The following STARD13 variants were observed in gnomAD, a reference collection of about 807,000 sequenced individuals.
STARD13 encodes stAR-related lipid transfer protein 13.
A neutral mutation model predicts 106.4 loss-of-function variants in STARD13; 62 were observed. The observed-to-expected ratio is 0.58, with a 90% CI of 0.48 to 0.72. STARD13 has a LOEUF of 0.72. Ranked by LOEUF, STARD13 falls within the 30% of genes least tolerant of loss-of-function variation. STARD13 has a pLI of 0.00. For synonymous variants in STARD13, 565 were observed against 553.0 expected (o/e 1.02, Z -0.31); for missense variants, 1,387 against 1,424.0 (o/e 0.97, Z 0.42).
At chr13:33,137,982 G>A (rs913465272) in intron 4 of STARD13, among the ~76,000 whole-genome samples, 21 of 152,198 alleles carry the variant, frequency 1.4e-4, no homozygotes, top group African/African-American at 4.6e-4. Flanking sequence ...CTGAAATGCC[G>A]ACGGCATCCA....
At chr13:33,241,946 T>C (rs958422889) in intron 1 of STARD13, among the ~76,000 whole-genome samples, 1 of 152,200 alleles carries the variant, frequency 6.6e-6, no homozygotes, top group Non-Finnish European at 1.5e-5. Context: ...GATTGCAGCC[T>C]CTGTCCGGCC....
chr13:33,667,448 C>T, the STARD13 span, among the ~76,000 whole-genome samples: 2 of 152,184 alleles, frequency 1.3e-5, no homozygotes, highest in African/African-American at 4.8e-5. Context: ...ACTCATTTTA[C>T]TTTAAATTTA....
chr13:33,325,898 T>C, intron 1 of STARD13, among the ~76,000 whole-genome samples: 1 of 142,552 alleles, frequency 7.0e-6, no homozygotes, highest in East Asian at 2.1e-4. Flanking sequence ...GGCAGGAGAA[T>C]GGCGTGAACC....
the STARD13 span, among the ~76,000 whole-genome samples, chr13:33,629,248 C>A: frequency 2.0e-5 from 3 of 152,160 alleles, no homozygotes; most frequent in Non-Finnish European, 4.4e-5. Flanking sequence ...ATTGGTAAGA[C>A]AACAATAATG....
the STARD13 span, among the ~76,000 whole-genome samples, chr13:33,542,200 T>C: frequency 2.0e-5 from 3 of 152,100 alleles, no homozygotes; most frequent in African/African-American, 7.2e-5. Context: ...ACCCCTACCT[T>C]CTCAGAATAA....
At chr13:33,405,512 C>T in the STARD13 span, among the ~76,000 whole-genome samples, 2 of 152,210 alleles carry the variant, frequency 1.3e-5, no homozygotes, top group Non-Finnish European at 2.9e-5. Flanking sequence ...CTCTGAGAAT[C>T]GTTGAAGTCT....
chr13:33,451,527 G>C, the STARD13 span, among the ~76,000 whole-genome samples: 2 of 152,126 alleles, frequency 1.3e-5, no homozygotes, highest in African/African-American at 4.8e-5. Flanking sequence ...TGTTGACAAA[G>C]GGAGTAACAG....
At chr13:33,235,602 T>A (rs1889147704) in intron 1 of STARD13, among the ~76,000 whole-genome samples, 2 of 152,266 alleles carry the variant, frequency 1.3e-5, no homozygotes, top group South Asian at 4.1e-4. Flanking sequence ...GTATTTCTTT[T>A]GGCCTAGAAA....
At chr13:33,139,526 T>C (rs1879526566) in intron 4 of STARD13, among the ~76,000 whole-genome samples, 1 of 152,240 alleles carries the variant, frequency 6.6e-6, no homozygotes, top group African/African-American at 2.4e-5. Flanking sequence ...GATGACTTTC[T>C]GCAGAATTAA....
chr13:33,346,515 G>C (rs2078018138), downstream of STARD13, among the ~76,000 whole-genome samples: 1 of 152,118 alleles, frequency 6.6e-6, no homozygotes. Context: ...AAATAAGAGT[G>C]AGTTAGAAAA....
chr13:33,334,942 A>T (rs2138571999), intron 1 of STARD13: 1 of 152,224 alleles, frequency 6.6e-6, no homozygotes, highest in South Asian at 2.1e-4. Context: ...TTTTCTGGTA[A>T]TTCCGATGCT....
At chr13:33,659,802 C>T in the STARD13 span, 31 of 152,278 alleles carry the variant, frequency 2.0e-4, no homozygotes, top group African/African-American at 7.2e-4. Flanking sequence ...AAATGACATC[C>T]TGAGCTAAGC....
intron 1 of STARD13, among the ~76,000 whole-genome samples, chr13:33,200,759 C>T (rs562608399): frequency 1.4e-4 from 21 of 152,228 alleles, no homozygotes; most frequent in East Asian, 1.4e-3. Context: ...TGGTGGCTCA[C>T]GCCTGTAATC....
chr13:33,433,823 C>G, the STARD13 span, among the ~76,000 whole-genome samples: 1 of 152,124 alleles, frequency 6.6e-6, no homozygotes, highest in Admixed American at 6.5e-5. Flanking sequence ...TATTTGCCCC[C>G]TCTGTGTATT....
the STARD13 span, among the ~76,000 whole-genome samples, chr13:33,598,100 G>A: frequency 6.6e-6 from 1 of 152,122 alleles, no homozygotes; most frequent in Non-Finnish European, 1.5e-5. Flanking sequence ...CCATCAAGGT[G>A]TTCATGGTCT....
intron 3 of STARD13, among the ~76,000 whole-genome samples, chr13:33,147,009 T>A (rs545073786): frequency 6.6e-6 from 1 of 152,342 alleles, no homozygotes; most frequent in East Asian, 1.9e-4. Context: ...CTGAGCTGTC[T>A]GGGAATTCCC....
At chr13:33,234,804 A>T (rs1889104987) in intron 1 of STARD13, among the ~76,000 whole-genome samples, 1 of 152,160 alleles carries the variant, frequency 6.6e-6, no homozygotes, top group Admixed American at 6.6e-5. Context: ...GGTTGTAAAA[A>T]ATTGCTTTGT....
intron 1 of STARD13, among the ~76,000 whole-genome samples, chr13:33,258,503 T>C (rs1018026408): frequency 2.0e-5 from 3 of 152,264 alleles, no homozygotes; most frequent in Non-Finnish European, 2.9e-5. Context: ...GAGTGGCCTT[T>C]TCAGTGTGTA....
At chr13:33,562,015 A>G in the STARD13 span, among the ~76,000 whole-genome samples, 1 of 147,008 alleles carries the variant, frequency 6.8e-6, no homozygotes, top group Non-Finnish European at 1.5e-5. Context: ...CTGAGATAAC[A>G]TCTCCATTGC....
Sources: gnomAD v4.1 joint callset for allele counts (sites outside exome capture counted in the v4.1 genomes callset) on GRCh38, gnomAD v4.1.1 for gene constraint, MANE v1.5 for transcripts, NCBI Gene and HGNC (gene_info 2026-07-23, HGNC 2026-07-21) for gene names.